Variants in SLIT3 observed in about 807,000 individuals in gnomAD.
SLIT3 encodes the protein slit guidance ligand 3, also known as slit homolog 3 protein.
A neutral mutation model predicts 184.0 loss-of-function variants in SLIT3; 68 were observed. The observed-to-expected ratio is 0.37, with a 90% confidence interval of 0.30 to 0.45. SLIT3 has a LOEUF of 0.45. Among genes scored for constraint, SLIT3 ranks in the 20% least tolerant of loss-of-function variants. The pLI, the probability that SLIT3 is intolerant of heterozygous loss-of-function variation, is 1.00. For synonymous variants in SLIT3, 831 were observed against 828.6 expected (o/e 1.00, Z -0.05); for missense variants, 1,707 against 2,026.0 (o/e 0.84, Z 3.02).
chr5:168,662,750 C>T lies in SLIT3; in HGVS notation c.*3704G>A, dbSNP rs927041561. 2.0e-5 allele frequency: 3 copies of T among 152,218 alleles called. No homozygotes were observed. The highest frequency in any genetic ancestry group is 4.4e-5 in the Non-Finnish European group (3 of 68,048). 9.4% of individuals were successfully genotyped at this position (152,218 alleles called of 1,614,324 possible). On this transcript the variant is annotated 3_prime_UTR_variant, in exon 36 of 36. Transcript: ENST00000519560. The stretch of plus-strand genomic sequence containing the variant: ...AGAACTTCTTTTCCCTTTCCTGAAT[C>T]CTGCTCAGGGGGGACACAGCTTGAG...
rs1431645049 is a variant in SLIT3, at chr5:168,920,341, C to T, written c.414-37005G>A. Among the ~76,000 whole-genome samples, 8 of 152,264 alleles carry T rather than the reference C, an allele frequency of 5.3e-5. 1 individual carries two copies. In the South Asian group the frequency reaches 1.5e-3, roughly 28 times the overall value. On this transcript the variant is annotated intron_variant, in intron 4 of 35. Transcript: ENST00000519560. The stretch of plus-strand genomic sequence containing the variant: ...GGGCAGCCCCCATGTACAGAGGCCC[C>T]TTATCTACAGACTTCACCGGGTGGC...
chr5:169,256,022 C>G (rs1038223387), intron 1 of SLIT3, among the ~76,000 whole-genome samples: 2 of 152,204 alleles, frequency 1.3e-5, no homozygotes, highest in African/African-American at 4.8e-5. Flanking sequence ...ATTCACCCAC[C>G]ACTCACTCAC....
chr5:169,066,443 C>T (rs1758351081), intron 4 of SLIT3, among the ~76,000 whole-genome samples: 1 of 152,168 alleles, frequency 6.6e-6, no homozygotes, highest in African/African-American at 2.4e-5. Context: ...TGAAAAAACG[C>T]TCAACTTACA....
chr5:168,799,072 G>A (rs1027447734), intron 9 of SLIT3, among the ~76,000 whole-genome samples: 2 of 152,118 alleles, frequency 1.3e-5, no homozygotes, highest in African/African-American at 4.8e-5. Flanking sequence ...CTCATCCACA[G>A]GGAAAATGGC....
At chr5:168,833,774 C>T (rs997975612) in intron 6 of SLIT3, among the ~76,000 whole-genome samples, 2 of 152,136 alleles carry the variant, frequency 1.3e-5, no homozygotes, top group Admixed American at 1.3e-4. Context: ...GGTTCTTCCA[C>T]GAATTTTTCC....
At chr5:168,951,434 G>A (rs376535719) in intron 4 of SLIT3, among the ~76,000 whole-genome samples, 3 of 152,268 alleles carry the variant, frequency 2.0e-5, no homozygotes, top group East Asian at 3.9e-4. Context: ...CTGGGTGGGG[G>A]AGGTGGGTTC....
intron 4 of SLIT3, among the ~76,000 whole-genome samples, chr5:169,048,749 C>T (rs1022948003): frequency 1.3e-5 from 2 of 152,208 alleles, no homozygotes; most frequent in African/African-American, 4.8e-5. Flanking sequence ...TTGTTACAGA[C>T]ATTGCCTCTA....
At chr5:169,262,279 A>G (rs1766218912) in intron 1 of SLIT3, among the ~76,000 whole-genome samples, 1 of 152,210 alleles carries the variant, frequency 6.6e-6, no homozygotes, top group Non-Finnish European at 1.5e-5. Flanking sequence ...ATAGCTAGGA[A>G]ACAGTACAGG....
intron 4 of SLIT3, among the ~76,000 whole-genome samples, chr5:168,925,369 A>G (rs547992882): frequency 6.6e-6 from 1 of 152,294 alleles, no homozygotes; most frequent in African/African-American, 2.4e-5. Context: ...GAGTTAGACC[A>G]TCTGAGCTGC....
Position 168,748,371 on chromosome 5 carries a change from G to T in SLIT3, c.2201C>A (p.Thr734Lys), listed in dbSNP as rs886289971. 6.6e-7 allele frequency: 1 copy of T among 1,513,262 alleles called. No individual in the cohort carries two copies. Among genetic ancestry groups the T allele is most frequent in the Non-Finnish European group, 8.8e-7 (1 of 1,141,158 alleles). 93.7% of individuals were successfully genotyped at this position (1,513,262 alleles called of 1,614,324 possible). ...CCCCTTGTTGCTGCATCGCACCACT[G>T]TCTCCATACAGGTGCACTGCTCCGG... is the stretch of plus-strand genomic sequence containing the variant. The part of the protein sequence containing the change: ...RCPEQCTCME[T>K]VVRCSNKGLR... Residue 734 changes from threonine (T) to lysine (K), a missense_variant, in exon 20 of 36, where the codon ACA (threonine) becomes AAA (lysine). Physicochemically the swap from Thr to Lys is moderately conservative, Grantham distance 78. Coordinates refer to ENST00000519560, the MANE Select transcript of SLIT3 (RefSeq NM_003062.4).
chr5:169,006,632 A>ACACACACACACACACACAC (rs752430679), intron 4 of SLIT3, among the ~76,000 whole-genome samples: 4 of 132,960 alleles, frequency 3.0e-5, no homozygotes, highest in Non-Finnish European at 4.8e-5. Flanking sequence ...CACACACACA[A>ACACACACACACACACACAC]CTCTCCAAGC....
intron 6 of SLIT3, 21 bp from the exon 7 acceptor site, chr5:168,823,352 G>A: frequency 6.3e-7 from 1 of 1,592,876 alleles, no homozygotes; most frequent in Non-Finnish European, 8.6e-7. Flanking sequence ...AGACAAGGGA[G>A]ATGGTCAGCC....
At chr5:168,739,265 T>C (rs1253154992) in intron 20 of SLIT3, among the ~76,000 whole-genome samples, 1 of 152,132 alleles carries the variant, frequency 6.6e-6, no homozygotes, top group Non-Finnish European at 1.5e-5. Context: ...TAGAGTTATG[T>C]AACAGAGGAC....
chr5:168,941,874 A>G (rs759129053), intron 4 of SLIT3, among the ~76,000 whole-genome samples: 1 of 152,248 alleles, frequency 6.6e-6, no homozygotes, highest in Non-Finnish European at 1.5e-5. Context: ...TTTACATGAA[A>G]GAGGTCTACA....
chr5:169,136,482 G>A (rs17735037), intron 4 of SLIT3, among the ~76,000 whole-genome samples: 5,606 of 152,210 alleles, frequency 0.037, 388 homozygotes, highest in East Asian at 0.33. Flanking sequence ...TGCTGTTACC[G>A]CTCCTATGAC....
At chr5:168,797,542 C>T (rs564089597) in intron 9 of SLIT3, among the ~76,000 whole-genome samples, 1 of 152,224 alleles carries the variant, frequency 6.6e-6, no homozygotes, top group African/African-American at 2.4e-5. Flanking sequence ...ATCAATTACC[C>T]TCCATCTTAA....
chr5:169,117,772 T>TTCTCC (rs1760733059), intron 4 of SLIT3, among the ~76,000 whole-genome samples: 1 of 152,244 alleles, frequency 6.6e-6, no homozygotes, highest in Non-Finnish European at 1.5e-5. Context: ...AGAACTCTGT[T>TTCTCC]TCTCCTATAC....
chr5:169,240,579 CTTTTTTT>C (rs67955225), intron 3 of SLIT3, among the ~76,000 whole-genome samples: 2 of 114,354 alleles, frequency 1.7e-5, no homozygotes, highest in African/African-American at 3.4e-5. Flanking sequence ...CTATCATTTT[CTTTTTTT>C]TTTTTTTTTT....
intron 30 of SLIT3, 141 bp from the exon 31 acceptor site, chr5:168,686,068 CTGCCA>C: frequency 1.0e-6 from 1 of 959,118 alleles, no homozygotes; most frequent in Non-Finnish European, 1.4e-6. Flanking sequence ...AGTTCCAGCC[CTGCCA>C]CTAACCGGGG....
Sources: gnomAD v4.1 joint callset for allele counts (sites outside exome capture counted in the v4.1 genomes callset) on GRCh38, gnomAD v4.1.1 for gene constraint, MANE v1.5 for transcripts, NCBI Gene and HGNC (gene_info 2026-07-23, HGNC 2026-07-21) for gene names.